Variants in STARD5 observed in about 807,000 individuals in gnomAD.
STARD5 encodes the protein stAR-related lipid transfer protein 5.
STARD5 carries 26 observed loss-of-function variants against 24.6 expected under a neutral mutation model. The observed-to-expected ratio is 1.06, with a 90% CI of 0.77 to 1.47. The LOEUF (loss-of-function observed/expected upper bound fraction) is 1.47, where lower values mean the gene tolerates loss of function less well. STARD5 is among the 40% of genes most tolerant of loss of function. STARD5 has a pLI of 0.00. For synonymous variants in STARD5, 101 were observed against 99.7 expected, an observed-to-expected ratio of 1.01 and a Z score of -0.07; for missense variants, 254 against 270.8, an observed-to-expected ratio of 0.94 and a Z score of 0.44.
chr15:81,313,559 G>A (rs1900981346), intron 5 of STARD5, 156 bp from the exon 6 acceptor site: 1 of 581,720 alleles, frequency 1.7e-6, no homozygotes, highest in South Asian at 6.1e-5. Flanking sequence ...AGTCCTCTCT[G>A]GACCTGCTGA....
In STARD5 at chr15:81,310,595, A is replaced by C. The variant is rs1900798941; in HGVS notation, c.*2661T>G. Reference sequence around the variant, plus strand: ...AACGAAAGACGTGATTCAATTCAACACTCCCTTCCCATGACCCAGGCTGGG... The same window carrying C: ...AACGAAAGACGTGATTCAATTCAACCCTCCCTTCCCATGACCCAGGCTGGG... On this transcript the variant is annotated 3_prime_UTR_variant, in exon 6 of 6. Coordinates refer to ENST00000302824, the MANE Select transcript of STARD5 (RefSeq NM_181900.3). The C allele has an allele frequency of 6.6e-6, 1 of 151,866 alleles. No homozygotes were observed. Among genetic ancestry groups the C allele is most frequent in the Non-Finnish European group, 1.5e-5 (1 of 68,002 alleles). 9.4% of individuals were successfully genotyped at this position (151,866 alleles called of 1,614,324 possible). A position where few individuals can be genotyped will look rare whatever the true frequency, so the allele number is the denominator to read the frequency against.
Position 81,322,494 on chromosome 15 carries a change from C to A in STARD5, c.196G>T (p.Asp66Tyr). The A allele has an allele frequency of 6.2e-7, 1 of 1,614,246 alleles. No homozygotes were observed. The highest frequency in any genetic ancestry group is 8.5e-7 in the Non-Finnish European group (1 of 1,180,048). The change falls in exon 3 of 6, where the codon GAC becomes TAC. Residue 66 changes from aspartate to tyrosine, a missense_variant. By Grantham distance (160) the Asp-to-Tyr change is radical (BLOSUM62 -3). Coordinates refer to ENST00000302824, the MANE Select transcript of STARD5 (RefSeq NM_181900.3). ...IVYGTLEEVW[D>Y]CVKPAVGGLR... ...CCTCCAACAGCTGGCTTCACACAGT[C>A]CCACACCTCCTCTAGTGTCCCATAT...
chr15:81,324,135 G>C lies in STARD5; in HGVS notation c.-36C>G. 7.7e-7 allele frequency: 1 copy of C among 1,305,820 alleles called. No individual in the cohort carries two copies. Among genetic ancestry groups the C allele is most frequent in the Non-Finnish European group, 9.8e-7 (1 of 1,018,826 alleles). The allele number at this position is 1,305,820 out of a possible 1,614,324, so 80.9% of individuals were successfully genotyped here. A position where few individuals can be genotyped will look rare whatever the true frequency, so the allele number is the denominator to read the frequency against. On this transcript the variant is annotated 5_prime_UTR_variant, in exon 1 of 6. Coordinates refer to ENST00000302824, the MANE Select transcript of STARD5 (RefSeq NM_181900.3). Reference sequence around the variant, plus strand: ...GCTGCGCTTAGCTGCGGGGTCGCGGGTGTTATGAGCGGCGGCGCTGGATCC... The same window carrying C: ...GCTGCGCTTAGCTGCGGGGTCGCGGCTGTTATGAGCGGCGGCGCTGGATCC...
At chr15:81,321,900 A>G (rs80047768) in intron 3 of STARD5, among the ~76,000 whole-genome samples, 1,650 of 152,368 alleles carry the variant, frequency 0.011, 26 homozygotes, top group African/African-American at 0.031. Flanking sequence ...TGAGATTTAC[A>G]TGTCAAAAAT....
At chr15:81,317,219 T>C (rs1596070699) in intron 5 of STARD5, among the ~76,000 whole-genome samples, 1 of 149,094 alleles carries the variant, frequency 6.7e-6, no homozygotes, top group Non-Finnish European at 1.5e-5. Flanking sequence ...AAAATCCATG[T>C]GATACCTTTG....
rs1900734840 is a variant in STARD5 at position 81,309,352 on chromosome 15, C to G, written c.*3904G>C. 6.6e-6 allele frequency: 1 copy of G among 152,616 alleles called. No homozygotes were observed. Among genetic ancestry groups the G allele is most frequent in the Non-Finnish European group, 1.5e-5 (1 of 68,322 alleles). 9.5% of individuals were successfully genotyped at this position (152,616 alleles called of 1,614,324 possible). A position where few individuals can be genotyped will look rare whatever the true frequency, so the allele number is the denominator to read the frequency against. On this transcript the variant is annotated 3_prime_UTR_variant, in exon 6 of 6. Transcript: ENST00000302824. ...TCACCTGGGGCTGCTGGCCTGAATG[C>G]TTATAGGTGGCCTCTCCTTGTGGCC...
In STARD5 at chr15:81,313,391, C is replaced by T. The variant is rs1460325913; in HGVS notation, c.507G>A (p.Lys169=). ...FCEPLPGEPT[K]TNLVTFFHTD... ...TATGGAAGAATGTGACCAGGTTGGT[C>T]TTGGTGGGTTCCCTGTGAAGGCAAC... The change falls in exon 6 of 6, where the codon AAG becomes AAA. Residue 169 remains lysine (K), a synonymous_variant. Coordinates refer to ENST00000302824, the MANE Select transcript of STARD5 (RefSeq NM_181900.3). 3.2e-6 allele frequency: 5 copies of T among 1,554,050 alleles called. No homozygotes were observed. The highest frequency in any genetic ancestry group is 1.9e-5 in the Admixed American group (1 of 51,964).
Position 81,313,560 on chromosome 15 carries a change from G to C in STARD5, c.495-157C>G, listed in dbSNP as rs907002713. On this transcript the variant is annotated intron_variant, in intron 5 of 5. Coordinates refer to ENST00000302824, the MANE Select transcript of STARD5 (RefSeq NM_181900.3). Reference sequence around the variant, plus strand: ...GCCCTCCACCCAGGAGTCCTCTCTGGACCTGCTGATTTTCAGGATGGAAAC... The same window carrying C: ...GCCCTCCACCCAGGAGTCCTCTCTGCACCTGCTGATTTTCAGGATGGAAAC... 142 of 577,442 alleles carry C rather than the reference G, an allele frequency of 2.5e-4. 4 individuals are homozygous for C. In the East Asian group the frequency reaches 4.8e-3, roughly 19 times the overall value. 35.8% of individuals were successfully genotyped at this position (577,442 alleles called of 1,614,324 possible).
chr15:81,312,126 G>C lies in STARD5; in HGVS notation c.*1130C>G, dbSNP rs943085460. On this transcript the variant is annotated 3_prime_UTR_variant, in exon 6 of 6. Transcript: ENST00000302824. ...ACGTGGTCTTTCTTACAAGGAAGGT[G>C]GTGGGGGTGCAGATGAGGTTGCTAG... 1 of 152,278 alleles carries C rather than the reference G, an allele frequency of 6.6e-6. No individual in the cohort carries two copies. The highest frequency in any genetic ancestry group is 1.5e-5 in the Non-Finnish European group (1 of 68,086). The allele number at this position is 152,278 out of a possible 1,614,324, so 9.4% of individuals were successfully genotyped here.
In STARD5 at chr15:81,313,153, G is replaced by C; in HGVS notation, c.*103C>G. 2 of 1,336,296 alleles carry C rather than the reference G, an allele frequency of 1.5e-6. No individual in the cohort carries two copies. The highest frequency in any genetic ancestry group is 2.0e-6 in the Non-Finnish European group (2 of 1,006,568). 82.8% of individuals were successfully genotyped at this position (1,336,296 alleles called of 1,614,324 possible). On this transcript the variant is annotated 3_prime_UTR_variant, in exon 6 of 6. Coordinates refer to ENST00000302824, the MANE Select transcript of STARD5 (RefSeq NM_181900.3). ...GCGCAGTCCATCAGCTTGTTCCAAA[G>C]AGTGAACACAGGCCTCTGCGTGCTC...
rs1900767319 is a variant in STARD5, at chr15:81,309,907, G to T, written c.*3349C>A. ...CTGTGTACAGTAAATGGCTTATCCAGCTGGTGAGTGATGCGGCAGATTGAG... is the reference window on the plus strand; with the variant it reads ...CTGTGTACAGTAAATGGCTTATCCATCTGGTGAGTGATGCGGCAGATTGAG... On this transcript the variant is annotated 3_prime_UTR_variant, in exon 6 of 6. Transcript: ENST00000302824. 1 of 152,294 alleles carries T rather than the reference G, an allele frequency of 6.6e-6. No homozygotes were observed. The highest frequency in any genetic ancestry group is 1.5e-5 in the Non-Finnish European group (1 of 68,080). The allele number at this position is 152,294 out of a possible 1,614,324, so 9.4% of individuals were successfully genotyped here.
chr15:81,322,544 G>C lies in STARD5; in HGVS notation c.150-4C>G. On this transcript the variant is annotated splice_polypyrimidine_tract_variant and splice_region_variant and intron_variant, in intron 2 of 5. Coordinates refer to ENST00000302824, the MANE Select transcript of STARD5 (RefSeq NM_181900.3). ...TACAATGCCTTCTCCTCGGTACCTG[G>C]AGCACGAAAAGGAATTTGACCCCAA... 3.1e-6 allele frequency: 5 copies of C among 1,614,008 alleles called. No homozygotes were observed. The highest frequency in any genetic ancestry group is 4.2e-6 in the Non-Finnish European group (5 of 1,179,998).
intron 5 of STARD5, among the ~76,000 whole-genome samples, chr15:81,314,354 C>T (rs758040486): frequency 1.3e-5 from 2 of 152,094 alleles, no homozygotes; most frequent in East Asian, 1.9e-4. Flanking sequence ...AAGGGGCACA[C>T]GATGTGGAGA....
chr15:81,315,536 G>A (rs185299008), intron 5 of STARD5, among the ~76,000 whole-genome samples: 2 of 152,234 alleles, frequency 1.3e-5, no homozygotes, highest in East Asian at 3.9e-4. Context: ...TAGGTGTGAC[G>A]CACTTAGCAT....
At chr15:81,323,690 T>C (rs1181761918) in intron 1 of STARD5, 8 of 936,660 alleles carry the variant, frequency 8.5e-6, no homozygotes, top group Non-Finnish European at 1.4e-5. Flanking sequence ...GCTTACCCCT[T>C]AAATGCAATT....
chr15:81,315,243 A>G (rs2141672869), intron 5 of STARD5, among the ~76,000 whole-genome samples: 1 of 152,228 alleles, frequency 6.6e-6, no homozygotes, highest in South Asian at 2.1e-4. Context: ...CTCTTTGGAA[A>G]CATGAACAGG....
In STARD5 at chr15:81,321,608, C is replaced by CAAA. The variant is rs33955634; in HGVS notation, c.282+797_282+799dup. Among the ~76,000 whole-genome samples, 70 of 137,828 alleles carry CAAA rather than the reference C, an allele frequency of 5.1e-4. 1 individual carries two copies. Among genetic ancestry groups the CAAA allele is most frequent in the East Asian group, 3.3e-3 (16 of 4,882 alleles). The allele number at this position is 137,828 out of a possible 152,430, so 90.4% of individuals were successfully genotyped here. A position where few individuals can be genotyped will look rare whatever the true frequency, so the allele number is the denominator to read the frequency against. On this transcript the variant is annotated intron_variant, in intron 3 of 5. Coordinates refer to ENST00000302824, the MANE Select transcript of STARD5 (RefSeq NM_181900.3). ...CTAGCGACAGAGTGAGATTCCGTCT[C>CAAA]AAAAAAAAAAAAAATTAGTCTCATG...
chr15:81,315,433 G>A (rs1901061140), intron 5 of STARD5, among the ~76,000 whole-genome samples: 1 of 152,042 alleles, frequency 6.6e-6, no homozygotes, highest in African/African-American at 2.4e-5. Flanking sequence ...AGGGCAAAAG[G>A]GGGCACAGAG....
rs1227754891 is a variant in STARD5 at position 81,310,641 on chromosome 15, G to C, written c.*2615C>G. The C allele has an allele frequency of 2.6e-5, 4 of 152,356 alleles. No individual in the cohort carries two copies. In the East Asian group the frequency reaches 7.7e-4, roughly 29 times the overall value. The allele number at this position is 152,356 out of a possible 1,614,324, so 9.4% of individuals were successfully genotyped here. A position where few individuals can be genotyped will look rare whatever the true frequency, so the allele number is the denominator to read the frequency against. On this transcript the variant is annotated 3_prime_UTR_variant, in exon 6 of 6. Transcript: ENST00000302824. ...CTGGGCAAGGAGGCCACGTGATGTG[G>C]AGGGCACATTCCTTGCCTGCACAAA...
Sources: gnomAD v4.1 joint callset for allele counts (sites outside exome capture counted in the v4.1 genomes callset) on GRCh38, gnomAD v4.1.1 for gene constraint, MANE v1.5 for transcripts, NCBI Gene and HGNC (gene_info 2026-07-23, HGNC 2026-07-21) for gene names.